Variants in NEMF observed in about 807,000 individuals in gnomAD.
NEMF encodes nuclear export mediator factor, also known as ribosome quality control complex subunit NEMF.
In NEMF, 89 loss-of-function variants were observed where a neutral mutation model predicts 162.2. The ratio of observed to expected loss-of-function variants is 0.55; its 90% CI spans 0.46 to 0.65. The LOEUF (loss-of-function observed/expected upper bound fraction) is 0.65, where lower values mean the gene tolerates loss of function less well. NEMF is among the 30% of genes least tolerant of loss of function. The pLI, the probability that NEMF is intolerant of heterozygous loss-of-function variation, is 0.00. For synonymous variants in NEMF, 421 were observed against 404.5 expected (o/e 1.04, Z -0.49); for missense variants, 1,133 against 1,261.9 (o/e 0.90, Z 1.55).
intron 3 of NEMF, among the ~76,000 whole-genome samples, chr14:49,846,476 A>AT (rs1403056844): frequency 6.6e-6 from 1 of 152,118 alleles, no homozygotes; most frequent in Non-Finnish European, 1.5e-5. Context: ...TTTTATTTGC[A>AT]TTTTTTTAAG....
At position 49,782,671 on chromosome 14, in the gene NEMF, T is replaced by C; in HGVS notation, c.*1965A>G. On this transcript the variant is annotated 3_prime_UTR_variant, in exon 33 of 33. Transcript: ENST00000298310. ...GACTTAGCACTCTCGAAAAACTAGG[T>C]TTATGGATTATTTAAGGGCAATAAA... The C allele has an allele frequency of 1.4e-6, 2 of 1,382,150 alleles. No individual in the cohort carries two copies. Among genetic ancestry groups the C allele is most frequent in the Non-Finnish European group, 2.0e-6 (2 of 1,007,020 alleles). 85.6% of individuals were successfully genotyped at this position (1,382,150 alleles called of 1,614,324 possible).
intron 21 of NEMF, 39 bp from the exon 22 acceptor site, chr14:49,802,612 C>A (rs755078741): frequency 6.2e-7 from 1 of 1,611,394 alleles, no homozygotes; most frequent in Non-Finnish European, 8.5e-7. Flanking sequence ...GAGCTTCAGA[C>A]AAGACTAATG....
rs754934181 is a variant in NEMF at position 49,789,230 on chromosome 14, G to C, written c.2811C>G (p.Asp937Glu). The change falls in exon 28 of 33, where the codon GAC becomes GAG. Residue 937 changes from aspartate to glutamate, a missense_variant. This residue lies in a region of NEMF where 532 missense variants were observed against 578.6 expected (regional missense o/e 0.92). Transcript: ENST00000298310. ...GGAACGGAGTTTCTTTCTTAATGTT[G>C]TCAGAGACCCTCTGTCCACCTCTAG... ...QKPRGGQRVS[D>E]NIKKETPFLE... is the part of the protein sequence containing the mutation. 6.2e-7 allele frequency: 1 copy of C among 1,614,060 alleles called. No individual in the cohort carries two copies. The highest frequency in any genetic ancestry group is 1.1e-5 in the South Asian group (1 of 91,076).
intron 11 of NEMF, 30 bp downstream of exon 11, chr14:49,831,269 G>C (rs780335954): frequency 8.0e-7 from 1 of 1,256,866 alleles, no homozygotes; most frequent in Non-Finnish European, 1.2e-6. Flanking sequence ...AAGACTAGCT[G>C]GTTTAATATG....
chr14:49,823,277 C>T (rs2139942920), intron 16 of NEMF, among the ~76,000 whole-genome samples: 1 of 151,766 alleles, frequency 6.6e-6, no homozygotes, highest in South Asian at 2.1e-4. Context: ...TAAAAAGAAA[C>T]AACTTGGAGA....
chr14:49,819,711 A>G (rs1440086053), intron 16 of NEMF, among the ~76,000 whole-genome samples: 1 of 151,708 alleles, frequency 6.6e-6, no homozygotes, highest in Non-Finnish European at 1.5e-5. Context: ...CACCGCACCT[A>G]GCCTATCCCT....
chr14:49,838,437 A>C (rs1254067278), intron 5 of NEMF, among the ~76,000 whole-genome samples: 1 of 152,182 alleles, frequency 6.6e-6, no homozygotes, highest in Non-Finnish European at 1.5e-5. Context: ...TTTTCGACCA[A>C]GGCATATTGT....
rs1566691008 is a variant in NEMF at position 49,829,129 on chromosome 14, T to C, written c.1157A>G (p.Gln386Arg). 6.2e-7 allele frequency: 1 copy of C among 1,614,204 alleles called. No individual in the cohort carries two copies. The highest frequency in any genetic ancestry group is 1.7e-5 in the Admixed American group (1 of 60,022). The change falls in exon 13 of 33, where the codon CAG becomes CGG. Residue 386 changes from glutamine to arginine, a missense_variant. Gln to Arg is a conservative substitution (Grantham distance 43, BLOSUM62 1). Transcript: ENST00000298310. ...ACTTGCAACAGGGTCTCCTTGAGCC[T>C]GGGCTTCTTTCACAATTAACCCAAT... The part of the protein sequence containing the change: ...TEIGLIVKEA[Q>R]AQGDPVASAI...
At chr14:49,791,213 T>TA (rs1331844909) in intron 26 of NEMF, among the ~76,000 whole-genome samples, 2 of 151,900 alleles carry the variant, frequency 1.3e-5, no homozygotes, top group Non-Finnish European at 2.9e-5. Context: ...CGTGTGCCTG[T>TA]AGTGCCAGCT....
chr14:49,844,640 T>C (rs1030388351), intron 4 of NEMF, among the ~76,000 whole-genome samples: 3 of 152,148 alleles, frequency 2.0e-5, no homozygotes, highest in Non-Finnish European at 2.9e-5. Context: ...ATTTGTTTTT[T>C]ATTTTTTAAT....
chr14:49,830,677 C>T (rs751690567), intron 11 of NEMF, among the ~76,000 whole-genome samples: 38 of 152,378 alleles, frequency 2.5e-4, no homozygotes, highest in African/African-American at 6.5e-4. Flanking sequence ...TGCGCCACCG[C>T]GCCCAGCCTC....
chr14:49,838,760 A>G (rs1214249198), intron 5 of NEMF, among the ~76,000 whole-genome samples: 1 of 151,294 alleles, frequency 6.6e-6, no homozygotes, highest in Non-Finnish European at 1.5e-5. Context: ...AATATTTTGT[A>G]TTTTTAGTAG....
rs1428302016 is a variant in NEMF at position 49,785,107 on chromosome 14, G to A, written c.3058C>T (p.Gln1020Ter). ...KYKVKLTPGVQKKGKAAKTAL... is the reference protein window; with the variant it reads ...KYKVKLTPGV Reference sequence around the variant, plus strand: ...ATTTAAATACCTTTTCCCTTTTTCTGCACTCCAGGAGTAAGTTTCACTTTA... The same window carrying A: ...ATTTAAATACCTTTTCCCTTTTTCTACACTCCAGGAGTAAGTTTCACTTTA... The change falls in exon 31 of 33, where the codon CAG becomes TAG. Residue 1020 changes from glutamine (Q) to a stop codon, truncating the protein, a stop_gained. Coordinates refer to ENST00000298310, the MANE Select transcript of NEMF (RefSeq NM_004713.6). LOFTEE classifies it high-confidence loss of function. The A allele has an allele frequency of 6.2e-7, 1 of 1,604,858 alleles. No individual in the cohort carries two copies. Among genetic ancestry groups the A allele is most frequent in the South Asian group, 1.1e-5 (1 of 90,846 alleles).
In NEMF at chr14:49,826,077, CACAA is replaced by C. The variant is rs539452129; in HGVS notation, c.1489-126_1489-123del. On this transcript the variant is annotated intron_variant, in intron 15 of 32. Coordinates refer to ENST00000298310, the MANE Select transcript of NEMF (RefSeq NM_004713.6). ...AAATGGCACAATCTACACACACACA[CACAA>C]ACACACACACACACAAATACGCATA... 210 of 591,988 alleles carry C rather than the reference CACAA, an allele frequency of 3.5e-4. No homozygotes were observed. The East Asian group carries it at 4.1e-3, about 12-fold the overall frequency. The allele number at this position is 591,988 out of a possible 1,614,324, so 36.7% of individuals were successfully genotyped here.
rs1312334206 is a variant in NEMF at position 49,783,065 on chromosome 14, T to A, written c.*1571A>T. The A allele has an allele frequency of 1.8e-6, 2 of 1,138,392 alleles. No homozygotes were observed. The highest frequency in any genetic ancestry group is 2.5e-6 in the Non-Finnish European group (2 of 815,554). 70.5% of individuals were successfully genotyped at this position (1,138,392 alleles called of 1,614,324 possible). ...CATTGTTGTAGTTTGCACCTGTTGG[T>A]TTTAATGTGCATGTGAATGGCCTAG... On this transcript the variant is annotated 3_prime_UTR_variant, in exon 33 of 33. Transcript: ENST00000298310.
chr14:49,833,056 A>C (rs938007663), intron 8 of NEMF, among the ~76,000 whole-genome samples: 2 of 152,174 alleles, frequency 1.3e-5, no homozygotes, highest in African/African-American at 4.8e-5. Context: ...ACTTGAGGTC[A>C]GGAGTTCGAG....
At position 49,795,784 on chromosome 14, in the gene NEMF, AG is replaced by A. The variant is rs778621385; in HGVS notation, c.2619+6del. On this transcript the variant is annotated splice_donor_region_variant and intron_variant, in intron 26 of 32. Coordinates refer to ENST00000298310, the MANE Select transcript of NEMF (RefSeq NM_004713.6). ...CTGTGAACCATATAGATCATCCTGA[AG>A]TTTACCTTTTGTCCTCGTTTCATTG... 6.2e-7 allele frequency: 1 copy of A among 1,605,428 alleles called. No homozygotes were observed. The highest frequency in any genetic ancestry group is 1.1e-5 in the South Asian group (1 of 88,966).
intron 17 of NEMF, among the ~76,000 whole-genome samples, chr14:49,814,356 G>T (rs1376289144): frequency 1.3e-5 from 2 of 152,086 alleles, no homozygotes; most frequent in Admixed American, 1.3e-4. Flanking sequence ...ACCTGCCTCA[G>T]CCTCCCAAAG....
chr14:49,845,591 G>T (rs1893460744), intron 4 of NEMF, among the ~76,000 whole-genome samples: 1 of 151,908 alleles, frequency 6.6e-6, no homozygotes, highest in South Asian at 2.1e-4. Flanking sequence ...TCTTTCTTTA[G>T]ATCCATATTC....
Sources: gnomAD v4.1 joint callset for allele counts (sites outside exome capture counted in the v4.1 genomes callset) on GRCh38, gnomAD v4.1.1 for gene constraint, gnomAD v4.1.1 regional missense constraint, MANE v1.5 for transcripts, NCBI Gene and HGNC (gene_info 2026-07-23, HGNC 2026-07-21) for gene names.